The following DGKG variants were observed in gnomAD, a reference collection of about 807,000 sequenced individuals.
DGKG encodes the protein diacylglycerol kinase gamma, also known as DAG kinase gamma.
A neutral mutation model predicts 105.3 loss-of-function variants in DGKG; 78 were observed. The ratio of observed to expected loss-of-function variants is 0.74; its 90% CI spans 0.62 to 0.89. The LOEUF is 0.89. DGKG is among the 40% of genes least tolerant of loss of function. The probability of loss-of-function intolerance (pLI) is 0.00; values close to 1 mark genes in which losing one functional copy is unlikely to be tolerated. For synonymous variants in DGKG, 346 were observed against 367.1 expected (o/e 0.94, Z 0.66); for missense variants, 958 against 1,020.1 (o/e 0.94, Z 0.83).
At chr3:186,205,314 A>T (rs1718676674) in intron 21 of DGKG, among the ~76,000 whole-genome samples, 1 of 150,684 alleles carries the variant, frequency 6.6e-6, no homozygotes, top group South Asian at 2.1e-4. Flanking sequence ...ACTAACATGG[A>T]GTGATCTCAA....
rs781694222 is a variant in DGKG at position 186,279,835 on chromosome 3, C to A, written c.792+16G>T. 6 of 1,610,942 alleles carry A rather than the reference C, an allele frequency of 3.7e-6. No individual in the cohort carries two copies. In the African/African-American group the frequency reaches 8.0e-5, roughly 22 times the overall value. The stretch of plus-strand genomic sequence containing the variant: ...TGAATGGCAAGAGATCTCTGAACTC[C>A]AGCTTGTTGACTTACAGAGTCATCC... On this transcript the variant is annotated intron_variant, in intron 9 of 24. Transcript: ENST00000265022.
At chr3:186,309,638 AT>A (rs1275738508) in intron 2 of DGKG, among the ~76,000 whole-genome samples, 3 of 152,238 alleles carry the variant, frequency 2.0e-5, no homozygotes, top group Non-Finnish European at 4.4e-5. Context: ...AAAAATAAAA[AT>A]CTGAGAACAT....
intron 6 of DGKG, among the ~76,000 whole-genome samples, chr3:186,286,060 T>C (rs533225211): frequency 2.0e-5 from 3 of 152,220 alleles, no homozygotes; most frequent in Admixed American, 6.5e-5. Context: ...GTGCAACCAC[T>C]TGGGGCACGT....
chr3:186,191,925 C>G (rs778048651), intron 21 of DGKG, among the ~76,000 whole-genome samples: 3 of 152,216 alleles, frequency 2.0e-5, no homozygotes, highest in African/African-American at 4.8e-5. Context: ...TTTGGAATGT[C>G]TTCTACCCTC....
intron 5 of DGKG, 53 bp downstream of exon 5, chr3:186,297,368 A>T: frequency 7.3e-7 from 1 of 1,375,430 alleles, no homozygotes; most frequent in East Asian, 2.3e-5. Flanking sequence ...ACTTCTCCCC[A>T]AGGATGAGGT....
chr3:186,273,352 G>A (rs1722412674), intron 10 of DGKG, among the ~76,000 whole-genome samples: 1 of 149,212 alleles, frequency 6.7e-6, no homozygotes, highest in African/African-American at 2.4e-5. Flanking sequence ...TGGCGCTGGG[G>A]AGACTGTTGT....
At chr3:186,219,668 GA>G (rs1719468255) in intron 20 of DGKG, among the ~76,000 whole-genome samples, 2 of 152,054 alleles carry the variant, frequency 1.3e-5, no homozygotes, top group African/African-American at 4.8e-5. Flanking sequence ...ATGATGGGAA[GA>G]CTGGAGGCCA....
chr3:186,184,339 C>T (rs188028956), intron 22 of DGKG, among the ~76,000 whole-genome samples: 2 of 152,088 alleles, frequency 1.3e-5, no homozygotes, highest in African/African-American at 2.4e-5. Context: ...TCCCAATACC[C>T]CTTATTGCTT....
Position 186,295,638 on chromosome 3 carries a change from T to TAAAAAAA in DGKG, c.373+1776_373+1782dup, listed in dbSNP as rs34829528. On this transcript the variant is annotated intron_variant, in intron 5 of 24. Transcript: ENST00000265022. The stretch of plus-strand genomic sequence containing the variant: ...TTTTCAATAAAATGATAATGCACAG[T>TAAAAAAA]AAAAAAAAAAAAAAAAAAAAAAGGT... Among the ~76,000 whole-genome samples the TAAAAAAA allele has an allele frequency of 4.7e-4, 40 of 84,508 alleles. 2 individuals carry two copies. Among genetic ancestry groups the TAAAAAAA allele is most frequent in the African/African-American group, 1.0e-3 (20 of 19,996 alleles). The allele number at this position is 84,508 out of a possible 152,430, so 55.4% of individuals were successfully genotyped here. A position where few individuals can be genotyped will look rare whatever the true frequency, so the allele number is the denominator to read the frequency against.
intron 1 of DGKG, among the ~76,000 whole-genome samples, chr3:186,349,679 G>A (rs147198741): frequency 1.4e-4 from 22 of 152,276 alleles, no homozygotes; most frequent in African/African-American, 5.3e-4. Flanking sequence ...GCACATCTGA[G>A]GGGCCATTGG....
In DGKG at chr3:186,149,923, G is replaced by A. The variant is rs1231057338; in HGVS notation, c.*167C>T. The A allele has an allele frequency of 7.0e-7, 1 of 1,421,226 alleles. No homozygotes were observed. Among genetic ancestry groups the A allele is most frequent in the Non-Finnish European group, 9.1e-7 (1 of 1,093,086 alleles). The allele number at this position is 1,421,226 out of a possible 1,614,324, so 88.0% of individuals were successfully genotyped here. ...ACCCACTGTTGAAACAGAATGTATG[G>A]CAAGGTGACGTTTTCTTCCCGAAGG... On this transcript the variant is annotated 3_prime_UTR_variant, in exon 25 of 25. Coordinates refer to ENST00000265022, the MANE Select transcript of DGKG (RefSeq NM_001346.3).
At chr3:186,218,816 G>C (rs1355535505) in intron 20 of DGKG, among the ~76,000 whole-genome samples, 9 of 152,130 alleles carry the variant, frequency 5.9e-5, no homozygotes, top group Non-Finnish European at 7.3e-5. Context: ...GGACATTTCT[G>C]TATATGAATT....
chr3:186,220,358 G>A (rs1019071452), intron 20 of DGKG, among the ~76,000 whole-genome samples: 1 of 152,128 alleles, frequency 6.6e-6, no homozygotes. Context: ...TCTAAGCCAT[G>A]GCAGCCTTCT....
At chr3:186,275,781 T>C in intron 9 of DGKG, 117 bp from the exon 10 acceptor site, 1 of 644,962 alleles carries the variant, frequency 1.6e-6, no homozygotes. Context: ...GTTATTGATA[T>C]TTTTTACTGT....
chr3:186,174,637 C>T (rs1216325439), intron 22 of DGKG, among the ~76,000 whole-genome samples: 1 of 150,322 alleles, frequency 6.7e-6, no homozygotes, highest in African/African-American at 2.4e-5. Context: ...ATGAACTCCC[C>T]TCCTTTCCCT....
chr3:186,257,995 G>T, intron 16 of DGKG, 56 bp from the exon 17 acceptor site: 1 of 1,296,914 alleles, frequency 7.7e-7, no homozygotes, highest in Non-Finnish European at 1.1e-6. Flanking sequence ...AGCTGACATT[G>T]ATACATGTTG....
In DGKG at chr3:186,279,978, G is replaced by T; in HGVS notation, c.670-5C>A. ...TTGCAGCATCTCCTTCAATATCTGT[G>T]GAATCCAAAGAGCAATCATTGTCCA... On this transcript the variant is annotated splice_polypyrimidine_tract_variant and splice_region_variant and intron_variant, in intron 8 of 24. Transcript: ENST00000265022. 1 of 1,613,592 alleles carries T rather than the reference G, an allele frequency of 6.2e-7. No homozygotes were observed.
rs1338871176 is a variant in DGKG at position 186,313,571 on chromosome 3, C to T, written c.68-6594G>A. The T allele has an allele frequency of 3.1e-6, 3 of 973,894 alleles. No individual in the cohort carries two copies. In the South Asian group the frequency reaches 1.4e-4, roughly 46 times the overall value. The allele number at this position is 973,894 out of a possible 1,614,324, so 60.3% of individuals were successfully genotyped here. A position where few individuals can be genotyped will look rare whatever the true frequency, so the allele number is the denominator to read the frequency against. On this transcript the variant is annotated intron_variant, in intron 2 of 24. Transcript: ENST00000265022. ...ACCATCTTGCAACTAAAAGTGTGGT[C>T]CCTGGACCAGCAGCATCAGCATCAC...
intron 20 of DGKG, among the ~76,000 whole-genome samples, chr3:186,229,656 C>G (rs1720044180): frequency 6.6e-6 from 1 of 152,184 alleles, no homozygotes; most frequent in African/African-American, 2.4e-5. Context: ...GTATTAACTT[C>G]TGTATGTGCT....
Sources: allele counts gnomAD v4.1 joint callset (sites outside exome capture counted in the v4.1 genomes callset), GRCh38; gene constraint gnomAD v4.1.1; transcripts MANE v1.5; gene names NCBI Gene and HGNC (gene_info 2026-07-23, HGNC 2026-07-21).